KLHL29: variants seen among roughly 807,000 people sequenced by gnomAD.
KLHL29 encodes kelch like family member 29, also known as kelch-like protein 29.
Under a neutral mutation model 80.4 loss-of-function variants are expected in KLHL29, and 21 were observed. That is an observed-to-expected ratio of 0.26 (90% CI 0.19 to 0.38). The LOEUF (loss-of-function observed/expected upper bound fraction) is 0.38, where lower values mean the gene tolerates loss of function less well. KLHL29 is among the 10% of genes least tolerant of loss of function. The pLI is 1.00. For synonymous variants in KLHL29, 511 were observed against 526.8 expected (o/e 0.97, Z 0.41); for missense variants, 867 against 1,223.9 (o/e 0.71, Z 4.35).
At chr2:23,594,893 A>G (rs1266994823) in intron 3 of KLHL29, among the ~76,000 whole-genome samples, 1 of 152,206 alleles carries the variant, frequency 6.6e-6, no homozygotes, top group African/African-American at 2.4e-5. Flanking sequence ...ATTATTTATT[A>G]CTGAAGCACG....
chr2:23,452,909 C>G (rs1007590712), intron 1 of KLHL29, among the ~76,000 whole-genome samples: 2 of 120,976 alleles, frequency 1.7e-5, no homozygotes, highest in East Asian at 3.7e-4. Flanking sequence ...GTCACCCCCC[C>G]GCCCACACAC....
At chr2:23,443,641 T>C (rs1472120263) in intron 1 of KLHL29, among the ~76,000 whole-genome samples, 1 of 152,328 alleles carries the variant, frequency 6.6e-6, no homozygotes, top group African/African-American at 2.4e-5. Flanking sequence ...TTGAAAGTTA[T>C]ATTCAAAGGC....
chr2:23,586,912 G>C (rs527899700), intron 3 of KLHL29, among the ~76,000 whole-genome samples: 1 of 152,302 alleles, frequency 6.6e-6, no homozygotes, highest in Non-Finnish European at 1.5e-5. Context: ...ACAGCAGGGA[G>C]TATCTCGCAA....
intron 1 of KLHL29, among the ~76,000 whole-genome samples, chr2:23,408,726 C>T (rs1473804171): frequency 1.3e-5 from 2 of 152,142 alleles, no homozygotes; most frequent in Admixed American, 1.3e-4. Context: ...TGTCTGTATA[C>T]CCAGGGATGT....
intron 2 of KLHL29, among the ~76,000 whole-genome samples, chr2:23,490,920 T>G (rs949730100): frequency 6.6e-6 from 1 of 152,202 alleles, no homozygotes; most frequent in African/African-American, 2.4e-5. Flanking sequence ...TAGCCCTCTT[T>G]CCTTCTTTAC....
At chr2:23,605,949 T>G (rs1229706474) in intron 3 of KLHL29, among the ~76,000 whole-genome samples, 7 of 151,994 alleles carry the variant, frequency 4.6e-5, no homozygotes, top group Non-Finnish European at 1.0e-4. Context: ...TTTGTATTTT[T>G]GGTAGAGATG....
Position 23,540,481 on chromosome 2 carries a change from T to C in KLHL29, c.-45-21671T>C, listed in dbSNP as rs563871596. ...TCCTTTCCTCTTGAGCATCTTTCTT[T>C]CCTCTCCTTCTCTCCAAATCCTCCC... On this transcript the variant is annotated intron_variant, in intron 2 of 13. Coordinates refer to ENST00000486442, the MANE Select transcript of KLHL29 (RefSeq NM_052920.2). Among the ~76,000 whole-genome samples, 4 of 152,256 alleles carry C rather than the reference T, an allele frequency of 2.6e-5. No homozygotes were observed. The South Asian group carries it at 6.2e-4, about 24-fold the overall frequency.
At chr2:23,491,325 A>T (rs1665096628) in intron 2 of KLHL29, among the ~76,000 whole-genome samples, 1 of 152,072 alleles carries the variant, frequency 6.6e-6, no homozygotes, top group Non-Finnish European at 1.5e-5. Flanking sequence ...GGGAGCTCAG[A>T]TGGACTGGCC....
chr2:23,494,737 T>A (rs1665207112), intron 2 of KLHL29, among the ~76,000 whole-genome samples: 1 of 150,254 alleles, frequency 6.7e-6, no homozygotes. Context: ...CCCCTCGGCT[T>A]CCATCTGGTC....
intron 2 of KLHL29, among the ~76,000 whole-genome samples, chr2:23,496,400 C>G (rs1464218648): frequency 2.0e-5 from 3 of 152,204 alleles, no homozygotes; most frequent in Non-Finnish European, 4.4e-5. Flanking sequence ...ATTGAAACTG[C>G]CTGTTTTCCT....
In KLHL29 at chr2:23,681,369, C is replaced by T. The variant is rs905290844; in HGVS notation, c.941-3030C>T. The stretch of plus-strand genomic sequence containing the variant: ...GGATGGGGACACCTGAACCTCCAAG[C>T]GCCTTCCAGGTCTAGCTCCAGAATT... On this transcript the variant is annotated intron_variant, in intron 5 of 13. Coordinates refer to ENST00000486442, the MANE Select transcript of KLHL29 (RefSeq NM_052920.2). This position sits in a 1 kb window ranked among gnomAD's most constrained non-coding sequence, Gnocchi z 4.2. 3.9e-5 allele frequency among the ~76,000 whole-genome samples: 6 copies of T among 152,200 alleles called. No homozygotes were observed. The highest frequency in any genetic ancestry group is 2.1e-4 in the South Asian group (1 of 4,824).
intron 2 of KLHL29, among the ~76,000 whole-genome samples, chr2:23,485,051 G>A (rs550253823): frequency 1.3e-5 from 2 of 152,234 alleles, no homozygotes; most frequent in East Asian, 3.9e-4. Context: ...CCTGGTTCCG[G>A]TGTGGTCCTG....
In KLHL29 at chr2:23,490,282, T is replaced by TA. The variant is rs879590699; in HGVS notation, c.-46+14627dup. Among the ~76,000 whole-genome samples the TA allele has an allele frequency of 2.0e-3, 287 of 147,170 alleles. 2 individuals are homozygous for TA. The highest frequency in any genetic ancestry group is 5.5e-3 in the African/African-American group (223 of 40,304). On this transcript the variant is annotated intron_variant, in intron 2 of 13. Transcript: ENST00000486442. ...TTCCTGGAAGAGTTGGGTTGGTGGT[T>TA]AAAAAAAAAAAATCTGATTGGAAAG...
At chr2:23,450,303 G>A (rs1345970302) in intron 1 of KLHL29, among the ~76,000 whole-genome samples, 1 of 152,176 alleles carries the variant, frequency 6.6e-6, no homozygotes, top group African/African-American at 2.4e-5. Flanking sequence ...GGTTCACCCT[G>A]CTTCATGGGA....
intron 1 of KLHL29, among the ~76,000 whole-genome samples, chr2:23,437,790 C>T (rs1663386868): frequency 6.6e-6 from 1 of 152,198 alleles, no homozygotes; most frequent in South Asian, 2.1e-4. Context: ...CTTGGTGATG[C>T]AGGCTCTTTT....
chr2:23,687,917 G>A (rs927289030), intron 6 of KLHL29, among the ~76,000 whole-genome samples: 2 of 152,126 alleles, frequency 1.3e-5, no homozygotes, highest in Non-Finnish European at 2.9e-5. Context: ...GTCAGACCAT[G>A]AGCGGGAGAG....
intron 1 of KLHL29, among the ~76,000 whole-genome samples, chr2:23,413,456 TCTA>T (rs1311634406): frequency 6.6e-6 from 1 of 152,184 alleles, no homozygotes; most frequent in Non-Finnish European, 1.5e-5. Flanking sequence ...TATCATCCTT[TCTA>T]CTCCACTGAG....
chr2:23,698,291 G>C lies in KLHL29; in HGVS notation c.2105+1778G>C, dbSNP rs890450032. 7.6e-4 allele frequency among the ~76,000 whole-genome samples: 115 copies of C among 152,302 alleles called. 1 individual carries two copies. The highest frequency in any genetic ancestry group is 7.3e-3 in the Admixed American group (112 of 15,308). ...CCACCAGAGTCTGCCAACTGTCCTT[G>C]CAGGGGCAGGATGCAGGCTTGAAGA... On this transcript the variant is annotated intron_variant, in intron 11 of 13. Transcript: ENST00000486442.
At chr2:23,400,315 T>C (rs1330346538) in intron 1 of KLHL29, among the ~76,000 whole-genome samples, 1 of 151,514 alleles carries the variant, frequency 6.6e-6, no homozygotes, top group East Asian at 1.9e-4. Flanking sequence ...CTTTCTGGAT[T>C]GAAGCCTTGA....
Sources: allele counts gnomAD v4.1 joint callset (sites outside exome capture counted in the v4.1 genomes callset), GRCh38; gene constraint gnomAD v4.1.1; non-coding constraint Gnocchi (gnomAD v3.1); transcripts MANE v1.5; gene names NCBI Gene and HGNC (gene_info 2026-07-23, HGNC 2026-07-21).